WFDC9: variants seen among roughly 807,000 people sequenced by gnomAD.
The protein encoded by WFDC9 is protein WFDC9.
WFDC9 carries 9 observed loss-of-function variants against 9.5 expected under a neutral mutation model. The observed-to-expected ratio is 0.95, with a 90% CI of 0.57 to 1.65. The LOEUF (loss-of-function observed/expected upper bound fraction) is 1.65, where lower values mean the gene tolerates loss of function less well. Ranked by LOEUF, WFDC9 falls within the 40% of genes most tolerant of loss-of-function variation. The pLI is 0.00. For synonymous variants in WFDC9, 33 were observed against 32.3 expected (o/e 1.02, Z -0.07); for missense variants, 87 against 106.7 (o/e 0.82, Z 0.81).
intron 4 of WFDC9, 32 bp downstream of exon 4, chr20:45,608,631 A>G: frequency 1.3e-6 from 2 of 1,597,514 alleles, no homozygotes; most frequent in Non-Finnish European, 1.7e-6. Flanking sequence ...AAGCATGCCC[A>G]GGCCCTAGCC....
chr20:45,608,107 A>C lies in WFDC9; in HGVS notation c.*3T>G. The C allele has an allele frequency of 6.2e-7, 1 of 1,613,488 alleles. No homozygotes were observed. Among genetic ancestry groups the C allele is most frequent in the Non-Finnish European group, 8.5e-7 (1 of 1,179,794 alleles). On this transcript the variant is annotated 3_prime_UTR_variant, in exon 5 of 5. Transcript: ENST00000326000. ...GCCCACAGTAGTGATCGGCCAATAG[A>C]ATCTAGGGGTTTAGCATTGATTTAA... is the stretch of plus-strand genomic sequence containing the variant.
At chr20:45,620,663 T>G (rs1465766966) in intron 1 of WFDC9, among the ~76,000 whole-genome samples, 1 of 152,254 alleles carries the variant, frequency 6.6e-6, no homozygotes, top group Non-Finnish European at 1.5e-5. Context: ...CCATTTTGTG[T>G]GTATGTGTGT....
chr20:45,627,606 A>G (rs1218080847), intron 1 of WFDC9, among the ~76,000 whole-genome samples: 3 of 152,204 alleles, frequency 2.0e-5, no homozygotes, highest in East Asian at 1.9e-4. Flanking sequence ...TATAAAGGAT[A>G]TCACAAAGGA....
chr20:45,610,894 G>C (rs1981846127), intron 2 of WFDC9, among the ~76,000 whole-genome samples: 1 of 152,230 alleles, frequency 6.6e-6, no homozygotes, highest in Non-Finnish European at 1.5e-5. Flanking sequence ...TCCAAGTTGA[G>C]AGAAAAGGTT....
chr20:45,609,207 C>CTT lies in WFDC9; in HGVS notation c.92-399_92-398dup, dbSNP rs61409671. ...AGAAACTTACTTTTTTTCCCCTTCT[C>CTT]TTTTTTTTTTTTTTGAGACAGAGTC... On this transcript the variant is annotated intron_variant, in intron 3 of 4. Transcript: ENST00000326000. Among the ~76,000 whole-genome samples, 309 of 143,412 alleles carry CTT rather than the reference C, an allele frequency of 2.2e-3. 5 individuals carry two copies. The East Asian group carries it at 0.043, about 20-fold the overall frequency. The allele number at this position is 143,412 out of a possible 152,430, so 94.1% of individuals were successfully genotyped here. A position where few individuals can be genotyped will look rare whatever the true frequency, so the allele number is the denominator to read the frequency against.
chr20:45,626,318 A>T (rs1258470238), intron 1 of WFDC9, among the ~76,000 whole-genome samples: 3 of 152,144 alleles, frequency 2.0e-5, no homozygotes, highest in Non-Finnish European at 2.9e-5. Context: ...TTTATTTTAT[A>T]TTACTGTGAA....
At chr20:45,621,711 C>A (rs951628467) in intron 1 of WFDC9, among the ~76,000 whole-genome samples, 1 of 152,214 alleles carries the variant, frequency 6.6e-6, no homozygotes. Flanking sequence ...CCCTGGTAGA[C>A]AACACTTCAC....
rs142314769 is a variant in WFDC9 at position 45,608,819 on chromosome 20, GA to G, written c.92-10del. The G allele has an allele frequency of 2.6e-3, 4,160 of 1,606,324 alleles. 85 individuals carry two copies. The African/African-American group carries it at 0.049, about 19-fold the overall frequency. ...TCTTATCATATCTAGAACTGAGATG[GA>G]AGAAGTTAGCAGGGTCCGTCTATTC... On this transcript the variant is annotated splice_polypyrimidine_tract_variant and intron_variant, in intron 3 of 4. Coordinates refer to ENST00000326000, the MANE Select transcript of WFDC9 (RefSeq NM_147198.4).
intron 1 of WFDC9, among the ~76,000 whole-genome samples, chr20:45,618,922 C>A (rs984460254): frequency 6.6e-6 from 1 of 152,104 alleles, no homozygotes; most frequent in Non-Finnish European, 1.5e-5. Flanking sequence ...ATGCAACATC[C>A]ATAAAGCAAA....
At chr20:45,625,921 A>G (rs1745524348) in intron 1 of WFDC9, among the ~76,000 whole-genome samples, 2 of 144,750 alleles carry the variant, frequency 1.4e-5, no homozygotes, top group Non-Finnish European at 1.5e-5. Flanking sequence ...GGTTCAAGTG[A>G]TTCTCCTGCC....
At chr20:45,617,285 T>C (rs1397380134) in intron 1 of WFDC9, among the ~76,000 whole-genome samples, 3 of 152,088 alleles carry the variant, frequency 2.0e-5, no homozygotes, top group African/African-American at 7.2e-5. Flanking sequence ...TGAAACCCCA[T>C]CTCTACTAAA....
intron 1 of WFDC9, among the ~76,000 whole-genome samples, chr20:45,620,227 G>C (rs1407919362): frequency 6.6e-6 from 1 of 152,118 alleles, no homozygotes; most frequent in Non-Finnish European, 1.5e-5. Flanking sequence ...ATTTTCAAAA[G>C]AAAATATTGT....
chr20:45,617,195 G>A (rs764002120), intron 1 of WFDC9, among the ~76,000 whole-genome samples: 6 of 152,210 alleles, frequency 3.9e-5, no homozygotes, highest in East Asian at 1.9e-4. Context: ...AGTGGCTCAC[G>A]CCTGTAATCC....
chr20:45,620,028 C>T (rs538585555), intron 1 of WFDC9, among the ~76,000 whole-genome samples: 1 of 150,458 alleles, frequency 6.6e-6, no homozygotes, highest in Admixed American at 6.6e-5. Flanking sequence ...TCTGTCTCAA[C>T]AAAAAAGAAA....
At chr20:45,620,943 A>G (rs1982085174) in intron 1 of WFDC9, among the ~76,000 whole-genome samples, 1 of 152,196 alleles carries the variant, frequency 6.6e-6, no homozygotes, top group South Asian at 2.1e-4. Context: ...CTTTTAATAA[A>G]TGTCTCTAAC....
chr20:45,611,982 C>T (rs564106142), intron 2 of WFDC9, among the ~76,000 whole-genome samples: 40 of 152,244 alleles, frequency 2.6e-4, no homozygotes, highest in Middle Eastern at 3.4e-3. Flanking sequence ...AACTCCTAGC[C>T]GTGGAGCCTG....
In WFDC9 at chr20:45,610,151, A is replaced by C. The variant is rs768774888; in HGVS notation, c.31T>G (p.Phe11Val). ...AGAAGCATCACAACTCCAGAGATGA[A>C]CATGACGAGTAGAAGAATCCAGGGC... Reference protein sequence around the residue: MKPWILLLVMFISGVVMLLPV... With the variant: MKPWILLLVMVISGVVMLLPV... The change falls in exon 3 of 5, where the codon TTC becomes GTC. Residue 11 changes from phenylalanine to valine, a missense_variant. Transcript: ENST00000326000. 6.2e-7 allele frequency: 1 copy of C among 1,614,142 alleles called. No homozygotes were observed. The highest frequency in any genetic ancestry group is 8.5e-7 in the Non-Finnish European group (1 of 1,180,000).
chr20:45,617,477 C>G (rs1981997808), intron 1 of WFDC9, among the ~76,000 whole-genome samples: 1 of 151,982 alleles, frequency 6.6e-6, no homozygotes, highest in African/African-American at 2.4e-5. Context: ...AAAAGAAAAT[C>G]CATGTATAAC....
chr20:45,622,207 C>T (rs757373998), intron 1 of WFDC9, among the ~76,000 whole-genome samples: 9 of 149,818 alleles, frequency 6.0e-5, no homozygotes, highest in Non-Finnish European at 7.4e-5. Context: ...ATTTCTTGTC[C>T]TATTGTCACT....
Sources: gnomAD v4.1 joint callset for allele counts (sites outside exome capture counted in the v4.1 genomes callset) on GRCh38, gnomAD v4.1.1 for gene constraint, MANE v1.5 for transcripts, NCBI Gene and HGNC (gene_info 2026-07-23, HGNC 2026-07-21) for gene names.